The following PTPN14 variants were observed in gnomAD, a reference collection of about 807,000 sequenced individuals.
PTPN14 encodes the protein protein tyrosine phosphatase non-receptor type 14.
A neutral mutation model predicts 126.8 loss-of-function variants in PTPN14; 53 were observed. The observed-to-expected ratio is 0.42, with a 90% confidence interval of 0.34 to 0.53. PTPN14 has a LOEUF of 0.53. Ranked by LOEUF, PTPN14 falls within the 20% of genes least tolerant of loss-of-function variation. PTPN14 has a pLI of 0.08. For missense variants in PTPN14, 1,257 were observed against 1,552.9 expected (o/e 0.81, Z 3.20); for synonymous variants, 630 against 599.3 (o/e 1.05, Z -0.75).
chr1:214,435,071 C>T (rs7519523), intron 3 of PTPN14, among the ~76,000 whole-genome samples: 50,407 of 152,110 alleles, frequency 0.33, 8,895 homozygotes, highest in Non-Finnish European at 0.4. Flanking sequence ...CCGCAGGCTG[C>T]GGGTTGCACA....
chr1:214,425,456 T>C (rs1255457027), intron 3 of PTPN14, among the ~76,000 whole-genome samples: 2 of 152,228 alleles, frequency 1.3e-5, no homozygotes, highest in Admixed American at 6.5e-5. Flanking sequence ...AACATGGTAC[T>C]GATCAAACAA....
intron 1 of PTPN14, among the ~76,000 whole-genome samples, chr1:214,488,650 G>C (rs1661168030): frequency 6.6e-6 from 1 of 152,208 alleles, no homozygotes; most frequent in African/African-American, 2.4e-5. Flanking sequence ...AAAGGCGTCA[G>C]ACACTGTGGA....
At chr1:214,495,746 G>A (rs533058667) in intron 1 of PTPN14, among the ~76,000 whole-genome samples, 1 of 152,108 alleles carries the variant, frequency 6.6e-6, no homozygotes, top group East Asian at 1.9e-4. Context: ...CCAGGCTGGA[G>A]TGCAATGGTG....
chr1:214,443,591 A>G (rs1439377290), intron 3 of PTPN14, among the ~76,000 whole-genome samples: 2 of 152,098 alleles, frequency 1.3e-5, no homozygotes, highest in Non-Finnish European at 2.9e-5. Flanking sequence ...GAACGAACAG[A>G]GATGCATGTA....
In PTPN14 at chr1:214,544,737, C is replaced by T. The variant is rs138983586; in HGVS notation, c.-155+6446G>A. Among the ~76,000 whole-genome samples, 393 of 149,642 alleles carry T rather than the reference C, an allele frequency of 2.6e-3. 11 individuals carry two copies. The East Asian group carries it at 0.066, about 25-fold the overall frequency. Reference sequence around the variant, plus strand: ...CTGCACTCCAGCCTGGAAGACAGAGCGAGACTCCATCTCAAAACGAGAAAG... The same window carrying T: ...CTGCACTCCAGCCTGGAAGACAGAGTGAGACTCCATCTCAAAACGAGAAAG... On this transcript the variant is annotated intron_variant, in intron 1 of 18. Coordinates refer to ENST00000366956, the MANE Select transcript of PTPN14 (RefSeq NM_005401.5).
At chr1:214,464,123 CACA>C (rs1340075860) in intron 2 of PTPN14, among the ~76,000 whole-genome samples, 3 of 150,758 alleles carry the variant, frequency 2.0e-5, no homozygotes, top group Admixed American at 2.0e-4. Flanking sequence ...TACAGGCTCC[CACA>C]AAAAGCCTCA....
intron 2 of PTPN14, among the ~76,000 whole-genome samples, chr1:214,455,903 G>A (rs1483354031): frequency 7.8e-6 from 1 of 127,440 alleles, no homozygotes; most frequent in Non-Finnish European, 1.8e-5. Context: ...TTGAGGGCAG[G>A]GGACATTATG....
At position 214,492,835 on chromosome 1, in the gene PTPN14, T is replaced by C. The variant is rs1467168335; in HGVS notation, c.-154-27878A>G. 6.0e-5 allele frequency among the ~76,000 whole-genome samples: 9 copies of C among 150,774 alleles called. No homozygotes were observed. In the South Asian group the frequency reaches 1.9e-3, roughly 32 times the overall value. ...AGGCACGAGAATTGCAAGGCAGAGG[T>C]TGCAGTGAGCCAAGATCACACTACA... On this transcript the variant is annotated intron_variant, in intron 1 of 18. Transcript: ENST00000366956.
chr1:214,490,126 C>T (rs2102416138), intron 1 of PTPN14, among the ~76,000 whole-genome samples: 1 of 152,254 alleles, frequency 6.6e-6, no homozygotes, highest in East Asian at 1.9e-4. Flanking sequence ...TACAAAGTCA[C>T]TCCTCTTACA....
chr1:214,384,911 T>TCCACCCACATGTTCTATAGA lies in PTPN14; in HGVS notation c.1067-143_1067-124dup, dbSNP rs1334220510. The TCCACCCACATGTTCTATAGA allele has an allele frequency of 2.7e-6, 3 of 1,123,656 alleles. No homozygotes were observed. The highest frequency in any genetic ancestry group is 4.8e-5 in the Admixed American group (2 of 42,074). The allele number at this position is 1,123,656 out of a possible 1,614,324, so 69.6% of individuals were successfully genotyped here. A position where few individuals can be genotyped will look rare whatever the true frequency, so the allele number is the denominator to read the frequency against. ...TCATAAAAAGTGAAATCCCATGGTC[T>TCCACCCACATGTTCTATAGA]CCACCCACATGTTCTATAGAATAAC... On this transcript the variant is annotated intron_variant, in intron 12 of 18. Coordinates refer to ENST00000366956, the MANE Select transcript of PTPN14 (RefSeq NM_005401.5). The surrounding 1 kb of genome is among the most constrained non-coding windows in gnomAD (Gnocchi z 5.3).
In PTPN14 at chr1:214,349,138, G is replaced by A. The variant is rs2102489018; in HGVS notation, c.*8784C>T. 1 of 152,314 alleles carries A rather than the reference G, an allele frequency of 6.6e-6. No individual in the cohort carries two copies. The highest frequency in any genetic ancestry group is 2.1e-4 in the South Asian group (1 of 4,826). 9.4% of individuals were successfully genotyped at this position (152,314 alleles called of 1,614,324 possible). Reference sequence around the variant, plus strand: ...ACCCCTCCCTCTGCTTACAACTACAGTTTGGTAGTAAGGAGACTGGGCTTC... The same window carrying A: ...ACCCCTCCCTCTGCTTACAACTACAATTTGGTAGTAAGGAGACTGGGCTTC... On this transcript the variant is annotated 3_prime_UTR_variant, in exon 19 of 19. Transcript: ENST00000366956.
In PTPN14 at chr1:214,364,544, C is replaced by T. The variant is rs150646672; in HGVS notation, c.3403G>A (p.Glu1135Lys). 4 of 1,613,892 alleles carry T rather than the reference C, an allele frequency of 2.5e-6. No homozygotes were observed. The African/African-American group carries it at 5.3e-5, about 22-fold the overall frequency. The change falls in exon 18 of 19, where the codon GAG (glutamate) becomes AAG (lysine). Residue 1135 changes from glutamate to lysine, a missense_variant. Transcript: ENST00000366956. The surrounding 1 kb of genome is among the most constrained non-coding windows in gnomAD (Gnocchi z 4.1). ...TGTTCCAAGCAGTAGATCATCAGCT[C>T]AGAAAGAATGAGCACGCCGGTCCTT... ...VGRTGVLILSELMIYCLEHNE... is the reference protein window; with the variant it reads ...VGRTGVLILSKLMIYCLEHNE...
chr1:214,536,343 G>A (rs1315414277), intron 1 of PTPN14, among the ~76,000 whole-genome samples: 8 of 151,910 alleles, frequency 5.3e-5, no homozygotes, highest in African/African-American at 1.9e-4. Flanking sequence ...AGGAATTCAA[G>A]GTTGCAGTGA....
intron 1 of PTPN14, among the ~76,000 whole-genome samples, chr1:214,484,058 A>G (rs1284752967): frequency 6.6e-6 from 1 of 152,260 alleles, no homozygotes; most frequent in South Asian, 2.1e-4. Context: ...TCTAGAAAAT[A>G]TAGGTGTATT....
intron 1 of PTPN14, among the ~76,000 whole-genome samples, chr1:214,539,871 G>A: frequency 6.6e-6 from 1 of 152,116 alleles, no homozygotes; most frequent in Non-Finnish European, 1.5e-5. Context: ...CCTCATTTTA[G>A]GAACAACCAA....
chr1:214,476,243 C>T (rs1219297161), intron 1 of PTPN14, among the ~76,000 whole-genome samples: 2 of 152,214 alleles, frequency 1.3e-5, no homozygotes, highest in African/African-American at 4.8e-5. Context: ...CATAGAACCT[C>T]TTCAAAAACC....
At chr1:214,455,846 T>C (rs1660369770) in intron 2 of PTPN14, among the ~76,000 whole-genome samples, 1 of 152,160 alleles carries the variant, frequency 6.6e-6, no homozygotes, top group Non-Finnish European at 1.5e-5. Flanking sequence ...GTCCATCTTT[T>C]GGTATTATGG....
chr1:214,540,151 C>T (rs1444752598), intron 1 of PTPN14, among the ~76,000 whole-genome samples: 1 of 151,958 alleles, frequency 6.6e-6, no homozygotes, highest in African/African-American at 2.4e-5. Context: ...AAGCACAATC[C>T]ACCCAGGATG....
chr1:214,525,963 T>A (rs1290819323), intron 1 of PTPN14, among the ~76,000 whole-genome samples: 1 of 17,398 alleles, frequency 5.7e-5, no homozygotes, highest in Admixed American at 4.3e-4. Context: ...TAAAGTCAAC[T>A]TTTTTTTTTT....
Sources: allele counts gnomAD v4.1 joint callset (sites outside exome capture counted in the v4.1 genomes callset), GRCh38; gene constraint gnomAD v4.1.1; non-coding constraint Gnocchi (gnomAD v3.1); transcripts MANE v1.5; gene names NCBI Gene and HGNC (gene_info 2026-07-23, HGNC 2026-07-21).